Variants in FBXL7 observed in about 807,000 individuals in gnomAD.
FBXL7 encodes the protein F-box/LRR-repeat protein 7.
In FBXL7, 12 loss-of-function variants were observed where a neutral mutation model predicts 38.3. The ratio of observed to expected loss-of-function variants is 0.31; its 90% CI spans 0.20 to 0.51. The LOEUF (loss-of-function observed/expected upper bound fraction) is 0.51. FBXL7 is among the 20% of genes least tolerant of loss of function. The pLI is 0.98. For missense variants in FBXL7, 567 were observed against 676.4 expected (o/e 0.84, Z 1.79); for synonymous variants, 297 against 300.9 (o/e 0.99, Z 0.13).
chr5:15,551,363 A>G (rs1738064418), intron 1 of FBXL7, among the ~76,000 whole-genome samples: 1 of 152,232 alleles, frequency 6.6e-6, no homozygotes, highest in Non-Finnish European at 1.5e-5. Flanking sequence ...GTTCTGTGCA[A>G]AGTTCTTTCT....
chr5:15,846,230 T>C (rs925597209), intron 2 of FBXL7, among the ~76,000 whole-genome samples: 1 of 152,226 alleles, frequency 6.6e-6, no homozygotes, highest in Non-Finnish European at 1.5e-5. Flanking sequence ...TCCATATCCA[T>C]AGCTTATAAA....
Position 15,927,764 on chromosome 5 carries a change from T to TAAAAAAAAAA in FBXL7, c.128-112_128-103dup, listed in dbSNP as rs753935096. 1,835 of 455,100 alleles carry TAAAAAAAAAA rather than the reference T, an allele frequency of 4.0e-3. 27 individuals carry two copies. The highest frequency in any genetic ancestry group is 0.017 in the Admixed American group (176 of 10,526). The allele number at this position is 455,100 out of a possible 1,614,324, so 28.2% of individuals were successfully genotyped here. A position where few individuals can be genotyped will look rare whatever the true frequency, so the allele number is the denominator to read the frequency against. Reference sequence around the variant, plus strand: ...CACTCCCGCCTGGGCGACAAGATCTTAAAAAAAAAAAAAAAAAAAAAAAGA... The same window carrying TAAAAAAAAAA: ...CACTCCCGCCTGGGCGACAAGATCTTAAAAAAAAAAAAAAAAAAAAAAAAAAAAAAAAAGA... On this transcript the variant is annotated intron_variant, in intron 2 of 3. Coordinates refer to ENST00000504595, the MANE Select transcript of FBXL7 (RefSeq NM_012304.5).
intron 1 of FBXL7, among the ~76,000 whole-genome samples, chr5:15,582,334 C>T (rs765391966): frequency 1.3e-5 from 2 of 152,246 alleles, no homozygotes; most frequent in Admixed American, 6.5e-5. Context: ...TAAGAGAAAT[C>T]GGCTTAATAT....
chr5:15,795,406 A>G (rs182023316), intron 2 of FBXL7, among the ~76,000 whole-genome samples: 170 of 152,348 alleles, frequency 1.1e-3, no homozygotes, highest in Non-Finnish European at 2.0e-3. Context: ...TCACACTGGC[A>G]TTTTAAATGT....
chr5:15,843,069 A>G (rs1319895252), intron 2 of FBXL7, among the ~76,000 whole-genome samples: 2 of 152,184 alleles, frequency 1.3e-5, no homozygotes, highest in Non-Finnish European at 2.9e-5. Context: ...TATCAGGCTT[A>G]TGTTTTTAGG....
chr5:15,546,268 G>A (rs1356434496), intron 1 of FBXL7, among the ~76,000 whole-genome samples: 2 of 150,966 alleles, frequency 1.3e-5, no homozygotes, highest in Admixed American at 1.3e-4. Context: ...CATTTCTGCT[G>A]GAAATACAGA....
chr5:15,558,801 C>T (rs1317590438), intron 1 of FBXL7, among the ~76,000 whole-genome samples: 2 of 152,192 alleles, frequency 1.3e-5, no homozygotes, highest in African/African-American at 4.8e-5. Flanking sequence ...GAGTCTCATA[C>T]ATGAATCAAA....
chr5:15,577,484 T>C (rs951514595), intron 1 of FBXL7, among the ~76,000 whole-genome samples: 3 of 152,172 alleles, frequency 2.0e-5, no homozygotes, highest in African/African-American at 7.2e-5. Context: ...TCGTTGCAGC[T>C]TCTGGAAGGG....
At chr5:15,733,187 G>A (rs1735657542) in intron 2 of FBXL7, among the ~76,000 whole-genome samples, 1 of 151,916 alleles carries the variant, frequency 6.6e-6, no homozygotes, top group Admixed American at 6.6e-5. Context: ...TCCGCCTCTC[G>A]GGTTCAATCA....
At chr5:15,678,652 T>C (rs11951325) in intron 2 of FBXL7, among the ~76,000 whole-genome samples, 101,158 of 152,042 alleles carry the variant, frequency 0.67, 34,291 homozygotes, top group South Asian at 0.8. Context: ...GATAATTGAA[T>C]CATGGGACTG....
rs75908277 is a variant in FBXL7 at position 15,807,523 on chromosome 5, A to G, written c.128-120367A>G. On this transcript the variant is annotated intron_variant, in intron 2 of 3. Transcript: ENST00000504595. ...GCAGGGACAAAGCCCAGCACATGAT[A>G]ATGGTATGTAGGTCAGAGTATTAGA... 7.4e-3 allele frequency among the ~76,000 whole-genome samples: 1,134 copies of G among 152,264 alleles called. 9 individuals are homozygous for G. The highest frequency in any genetic ancestry group is 0.026 in the African/African-American group (1,074 of 41,540).
chr5:15,564,728 G>T (rs529838575), intron 1 of FBXL7, among the ~76,000 whole-genome samples: 20 of 152,032 alleles, frequency 1.3e-4, no homozygotes, highest in African/African-American at 4.6e-4. Flanking sequence ...TTTCAGGAAG[G>T]TTTCCGACAC....
At chr5:15,830,666 GC>G (rs1738433298) in intron 2 of FBXL7, among the ~76,000 whole-genome samples, 1 of 152,146 alleles carries the variant, frequency 6.6e-6, no homozygotes, top group Non-Finnish European at 1.5e-5. Context: ...TTCCCAAAGT[GC>G]AGCTTATTTT....
At chr5:15,917,963 A>G (rs1741641340) in intron 2 of FBXL7, among the ~76,000 whole-genome samples, 1 of 152,150 alleles carries the variant, frequency 6.6e-6, no homozygotes, top group Non-Finnish European at 1.5e-5. Context: ...TACAGGCCAC[A>G]TGCAGTGGCT....
intron 1 of FBXL7, among the ~76,000 whole-genome samples, chr5:15,556,979 C>A (rs1738256142): frequency 1.3e-5 from 2 of 152,122 alleles, no homozygotes; most frequent in East Asian, 3.9e-4. Flanking sequence ...GCTCTGTCTC[C>A]CAGGCTGGAG....
intron 2 of FBXL7, among the ~76,000 whole-genome samples, chr5:15,914,927 A>G (rs1349459390): frequency 6.6e-6 from 1 of 152,246 alleles, no homozygotes; most frequent in Non-Finnish European, 1.5e-5. Context: ...TGATGCAGAT[A>G]TATTTGAATT....
chr5:15,516,010 T>A (rs1262062215), intron 1 of FBXL7, among the ~76,000 whole-genome samples: 1 of 152,216 alleles, frequency 6.6e-6, no homozygotes, highest in African/African-American at 2.4e-5. Context: ...CTGGCATAAT[T>A]AACCCAGCTA....
At chr5:15,757,217 C>T (rs1217661311) in intron 2 of FBXL7, among the ~76,000 whole-genome samples, 2 of 152,030 alleles carry the variant, frequency 1.3e-5, no homozygotes, top group Non-Finnish European at 2.9e-5. Context: ...AGAGAGTTTT[C>T]TTTAAAGGCA....
intron 2 of FBXL7, among the ~76,000 whole-genome samples, chr5:15,694,773 G>GT (rs1489296707): frequency 6.6e-6 from 1 of 152,184 alleles, no homozygotes; most frequent in Non-Finnish European, 1.5e-5. Context: ...AGGAGCTGGG[G>GT]AGGAGGTTGA....
Sources: gnomAD v4.1 joint callset for allele counts (sites outside exome capture counted in the v4.1 genomes callset) on GRCh38, gnomAD v4.1.1 for gene constraint, MANE v1.5 for transcripts, NCBI Gene and HGNC (gene_info 2026-07-23, HGNC 2026-07-21) for gene names.